NAB1: variants seen among roughly 807,000 people sequenced by gnomAD.
NAB1 encodes the protein NGFI-A-binding protein 1.
NAB1 carries 25 observed loss-of-function variants against 49.9 expected under a neutral mutation model. That is an observed-to-expected ratio of 0.50 (90% CI 0.37 to 0.70). The LOEUF is 0.70. Among genes scored for constraint, NAB1 ranks in the 30% least tolerant of loss-of-function variants. NAB1 has a pLI of 0.00. For missense variants in NAB1, 489 were observed against 575.9 expected, an observed-to-expected ratio of 0.85 and a Z score of 1.54; for synonymous variants, 198 against 215.6, an observed-to-expected ratio of 0.92 and a Z score of 0.71.
intron 2 of NAB1, among the ~76,000 whole-genome samples, chr2:190,655,236 T>C (rs1693859213): frequency 1.3e-5 from 2 of 152,250 alleles, no homozygotes. Context: ...ATTTGCAAAG[T>C]AGACGTGTGT....
intron 4 of NAB1, among the ~76,000 whole-genome samples, chr2:190,664,852 T>C (rs892304316): frequency 2.6e-5 from 4 of 152,092 alleles, no homozygotes; most frequent in Non-Finnish European, 5.9e-5. Context: ...AGACATGCTT[T>C]GTTTTTTAAC....
chr2:190,664,052 C>T (rs922977523), intron 4 of NAB1, among the ~76,000 whole-genome samples: 2 of 152,068 alleles, frequency 1.3e-5, no homozygotes, highest in Non-Finnish European at 2.9e-5. Context: ...CGTTTGGAAA[C>T]GATATCTTAA....
In NAB1 at chr2:190,683,719, C is replaced by T. The variant is rs1269210603; in HGVS notation, c.1006-19C>T. On this transcript the variant is annotated intron_variant, in intron 6 of 9. Coordinates refer to ENST00000337386, the MANE Select transcript of NAB1 (RefSeq NM_005966.4). ...ATTTACAAACTCTAAATATAAAGGA[C>T]TTCTTATTTGACCCACAGGATGGGT... The T allele has an allele frequency of 1.2e-5, 19 of 1,577,748 alleles. No homozygotes were observed. Among genetic ancestry groups the T allele is most frequent in the Non-Finnish European group, 1.6e-5 (19 of 1,154,526 alleles).
At chr2:190,665,301 C>T (rs979225777) in intron 4 of NAB1, among the ~76,000 whole-genome samples, 19 of 146,542 alleles carry the variant, frequency 1.3e-4, no homozygotes, top group East Asian at 2.0e-4. Flanking sequence ...CCAGCCTGGG[C>T]GACAGAGCAA....
chr2:190,667,409 T>G lies in NAB1; in HGVS notation c.820-2917T>G, dbSNP rs958615593. Among the ~76,000 whole-genome samples, 8 of 152,350 alleles carry G rather than the reference T, an allele frequency of 5.3e-5. No individual in the cohort carries two copies. The highest frequency in any genetic ancestry group is 1.9e-4 in the African/African-American group (8 of 41,594). The stretch of plus-strand genomic sequence containing the variant: ...TACATAAAAAGCTATTTGAGAATCC[T>G]CTTCAAGGTCATTTAGCTACTGCCA... On this transcript the variant is annotated intron_variant, in intron 4 of 9. Coordinates refer to ENST00000337386, the MANE Select transcript of NAB1 (RefSeq NM_005966.4). This position sits in a 1 kb window ranked among gnomAD's most constrained non-coding sequence, Gnocchi z 4.4.
In NAB1 at chr2:190,689,408, T is replaced by A. The variant is rs757403268; in HGVS notation, c.1376-837T>A. Among the ~76,000 whole-genome samples the A allele has an allele frequency of 2.0e-5, 3 of 152,192 alleles. No individual in the cohort carries two copies. The highest frequency in any genetic ancestry group is 2.9e-5 in the Non-Finnish European group (2 of 68,022). ...TTTTTTACTACTCTTACGCGGAACTTAAAATCCCCTTCTGTTTAGATAGAG... is the reference window on the plus strand; with the variant it reads ...TTTTTTACTACTCTTACGCGGAACTAAAAATCCCCTTCTGTTTAGATAGAG... On this transcript the variant is annotated intron_variant, in intron 9 of 9. Transcript: ENST00000337386. The surrounding 1 kb of genome is among the most constrained non-coding windows in gnomAD (Gnocchi z 4.3).
chr2:190,691,449 C>T lies in NAB1; in HGVS notation c.*1116C>T, dbSNP rs1264306719. On this transcript the variant is annotated 3_prime_UTR_variant, in exon 10 of 10. Transcript: ENST00000337386. This position sits in a 1 kb window ranked among gnomAD's most constrained non-coding sequence, Gnocchi z 4.1. ...TTTATTTTACAATTTCATTTTTCTACACCTTTGAGATTTATGAATGCAGTT... is the reference window on the plus strand; with the variant it reads ...TTTATTTTACAATTTCATTTTTCTATACCTTTGAGATTTATGAATGCAGTT... 1 of 152,124 alleles carries T rather than the reference C, an allele frequency of 6.6e-6. No individual in the cohort carries two copies. Among genetic ancestry groups the T allele is most frequent in the East Asian group, 1.9e-4 (1 of 5,204 alleles). 9.4% of individuals were successfully genotyped at this position (152,124 alleles called of 1,614,324 possible).
At chr2:190,688,363 T>C (rs990242855) in intron 9 of NAB1, among the ~76,000 whole-genome samples, 1 of 152,244 alleles carries the variant, frequency 6.6e-6, no homozygotes, top group Non-Finnish European at 1.5e-5. Context: ...ATACTCTTGG[T>C]AGCAGATGCT....
At chr2:190,661,030 CA>C (rs1227262281) in intron 4 of NAB1, among the ~76,000 whole-genome samples, 1 of 151,714 alleles carries the variant, frequency 6.6e-6, no homozygotes, top group African/African-American at 2.4e-5. Context: ...AGGGTTCAAG[CA>C]GTCCTCCCTG....
At chr2:190,661,910 G>A (rs1189340095) in intron 4 of NAB1, among the ~76,000 whole-genome samples, 1 of 152,164 alleles carries the variant, frequency 6.6e-6, no homozygotes, top group Non-Finnish European at 1.5e-5. Context: ...CAAGATCTTG[G>A]AAGAAATTAC....
chr2:190,671,301 G>T (rs1031981975), intron 5 of NAB1, among the ~76,000 whole-genome samples: 2 of 152,158 alleles, frequency 1.3e-5, no homozygotes, highest in African/African-American at 2.4e-5. Context: ...GAGCATTCTT[G>T]TGCATCCTAA....
intron 4 of NAB1, among the ~76,000 whole-genome samples, chr2:190,668,751 G>A (rs549754023): frequency 2.0e-5 from 3 of 152,246 alleles, no homozygotes; most frequent in South Asian, 2.1e-4. Context: ...AAGATGAGAT[G>A]CCTGGGTAGG....
In NAB1 at chr2:190,653,173, C is replaced by T. The variant is rs1446050905; in HGVS notation, c.-196-2804C>T. ...GTACCCATTTCACCCTTCTCTCAGG[C>T]CCCTGTACCTTCAAGCTATACTCTC... On this transcript the variant is annotated intron_variant, in intron 2 of 9. Coordinates refer to ENST00000337386, the MANE Select transcript of NAB1 (RefSeq NM_005966.4). Among the ~76,000 whole-genome samples the T allele has an allele frequency of 2.0e-5, 3 of 152,272 alleles. No individual in the cohort carries two copies. The East Asian group carries it at 5.8e-4, about 29-fold the overall frequency.
intron 6 of NAB1, among the ~76,000 whole-genome samples, chr2:190,681,732 T>C (rs1333007195): frequency 6.6e-6 from 1 of 152,236 alleles, no homozygotes; most frequent in African/African-American, 2.4e-5. Flanking sequence ...TTGGGGAATG[T>C]ATTTTGATAG....
rs1263636719 is a variant in NAB1, at chr2:190,649,549, T to A, written c.-334+189T>A. ...AGGAGAGGGCGGCCCCGGGCTCGTG[T>A]GGGCGATTCCCGGAGACATTCTGTG... On this transcript the variant is annotated intron_variant, in intron 1 of 9. Transcript: ENST00000337386. This position sits in a 1 kb window ranked among gnomAD's most constrained non-coding sequence, Gnocchi z 6.1. The A allele has an allele frequency of 6.6e-6, 1 of 151,932 alleles. No individual in the cohort carries two copies. The highest frequency in any genetic ancestry group is 1.9e-4 in the East Asian group (1 of 5,144). 9.4% of individuals were successfully genotyped at this position (151,932 alleles called of 1,614,324 possible).
At chr2:190,658,306 C>G (rs1694034395) in intron 3 of NAB1, among the ~76,000 whole-genome samples, 1 of 152,166 alleles carries the variant, frequency 6.6e-6, no homozygotes, top group Non-Finnish European at 1.5e-5. Flanking sequence ...GCCTTCTACC[C>G]TGTGCCATGT....
chr2:190,652,850 T>A lies in NAB1; in HGVS notation c.-197+2868T>A, dbSNP rs1693737013. ...CTGAACTATATTTAATCATTTTAGCTTGAGTTCTGGGTCTAGGATGAGAAT... is the reference window on the plus strand; with the variant it reads ...CTGAACTATATTTAATCATTTTAGCATGAGTTCTGGGTCTAGGATGAGAAT... On this transcript the variant is annotated intron_variant, in intron 2 of 9. Coordinates refer to ENST00000337386, the MANE Select transcript of NAB1 (RefSeq NM_005966.4). This position sits in a 1 kb window ranked among gnomAD's most constrained non-coding sequence, Gnocchi z 4.2. 6.6e-6 allele frequency among the ~76,000 whole-genome samples: 1 copy of A among 152,242 alleles called. No individual in the cohort carries two copies. The highest frequency in any genetic ancestry group is 2.1e-4 in the South Asian group (1 of 4,838).
Position 190,684,817 on chromosome 2 carries a change from T to C in NAB1, c.1096-659T>C, listed in dbSNP as rs1250461380. ...GAGCAGTGCATTGAAAAGGAACTTATAAAACACATACAGAGATAAATTTAT... is the reference window on the plus strand; with the variant it reads ...GAGCAGTGCATTGAAAAGGAACTTACAAAACACATACAGAGATAAATTTAT... On this transcript the variant is annotated intron_variant, in intron 7 of 9. Transcript: ENST00000337386. This position sits in a 1 kb window ranked among gnomAD's most constrained non-coding sequence, Gnocchi z 4.6. 1.3e-5 allele frequency among the ~76,000 whole-genome samples: 2 copies of C among 152,216 alleles called. No individual in the cohort carries two copies. The highest frequency in any genetic ancestry group is 3.8e-4 in the East Asian group (2 of 5,202).
chr2:190,691,353 T>A lies in NAB1; in HGVS notation c.*1020T>A, dbSNP rs927708441. ...TGTCTTCCCACCCAGCCATCACAAA[T>A]GTGGACAATCACTGCATCCACATCT... On this transcript the variant is annotated 3_prime_UTR_variant, in exon 10 of 10. Transcript: ENST00000337386. This position sits in a 1 kb window ranked among gnomAD's most constrained non-coding sequence, Gnocchi z 4.1. The A allele has an allele frequency of 4.4e-4, 67 of 152,272 alleles. 1 individual carries two copies. The highest frequency in any genetic ancestry group is 1.5e-3 in the African/African-American group (64 of 41,456). The allele number at this position is 152,272 out of a possible 1,614,324, so 9.4% of individuals were successfully genotyped here.
Sources: gnomAD v4.1 joint callset for allele counts (sites outside exome capture counted in the v4.1 genomes callset) on GRCh38, gnomAD v4.1.1 for gene constraint, Gnocchi (gnomAD v3.1) non-coding constraint, MANE v1.5 for transcripts, NCBI Gene and HGNC (gene_info 2026-07-23, HGNC 2026-07-21) for gene names.